The following MAGI2 variants were observed in gnomAD, a reference collection of about 807,000 sequenced individuals.
MAGI2 encodes the protein membrane associated guanylate kinase, WW and PDZ domain containing 2.
A neutral mutation model predicts 133.3 loss-of-function variants in MAGI2; 35 were observed. The ratio of observed to expected loss-of-function variants is 0.26; its 90% confidence interval spans 0.20 to 0.35. The LOEUF is 0.35. Ranked by LOEUF, MAGI2 falls within the 10% of genes least tolerant of loss-of-function variation. The probability of loss-of-function intolerance (pLI) is 1.00; values close to 1 mark genes in which losing one functional copy is unlikely to be tolerated. For missense variants in MAGI2, 1,636 were observed against 1,863.4 expected (o/e 0.88, Z 2.25); for synonymous variants, 729 against 710.6 (o/e 1.03, Z -0.41).
chr7:78,887,533 TG>T (rs1168599288), intron 2 of MAGI2, among the ~76,000 whole-genome samples: 3 of 152,218 alleles, frequency 2.0e-5, no homozygotes, highest in Non-Finnish European at 4.4e-5. Context: ...TAACTCATTT[TG>T]AAAAACAAAA....
intron 6 of MAGI2, among the ~76,000 whole-genome samples, chr7:78,434,033 C>G (rs1800045562): frequency 6.6e-6 from 1 of 152,092 alleles, no homozygotes; most frequent in South Asian, 2.1e-4. Context: ...AATATCCCTC[C>G]ATATTCTCTC....
chr7:78,744,540 C>G (rs1056088371), intron 2 of MAGI2, among the ~76,000 whole-genome samples: 2 of 152,016 alleles, frequency 1.3e-5, no homozygotes, highest in African/African-American at 4.8e-5. Flanking sequence ...AAAAACGTAT[C>G]TCATTTAATT....
intron 15 of MAGI2, 57 bp downstream of exon 15, chr7:78,167,859 C>G: frequency 6.5e-7 from 1 of 1,536,324 alleles, no homozygotes; most frequent in Non-Finnish European, 8.9e-7. Context: ...TACCATGTCT[C>G]ACAAAAGCAT....
At chr7:78,164,481 G>T (rs1464649207) in intron 15 of MAGI2, among the ~76,000 whole-genome samples, 1 of 152,156 alleles carries the variant, frequency 6.6e-6, no homozygotes, top group African/African-American at 2.4e-5. Context: ...ATAGGCATTT[G>T]TGCAGACATT....
chr7:78,463,759 T>C (rs1050383164), intron 6 of MAGI2, among the ~76,000 whole-genome samples: 1 of 152,202 alleles, frequency 6.6e-6, no homozygotes, highest in African/African-American at 2.4e-5. Context: ...AAGACTGTCA[T>C]TATTTTTCAT....
chr7:78,425,153 C>T (rs189373421), intron 6 of MAGI2, among the ~76,000 whole-genome samples: 7 of 152,126 alleles, frequency 4.6e-5, no homozygotes, highest in East Asian at 1.9e-4. Context: ...ATTATGGGGG[C>T]GGGTCTTTCC....
chr7:78,675,459 G>T (rs1016031155), intron 2 of MAGI2, among the ~76,000 whole-genome samples: 1 of 152,060 alleles, frequency 6.6e-6, no homozygotes, highest in African/African-American at 2.4e-5. Flanking sequence ...CATTTATCAA[G>T]ATGCGGAATT....
At chr7:78,950,562 C>T (rs1198947189) in intron 2 of MAGI2, among the ~76,000 whole-genome samples, 2 of 152,126 alleles carry the variant, frequency 1.3e-5, no homozygotes, top group Admixed American at 6.5e-5. Context: ...ATAATCTCCT[C>T]CCTTTTCTTT....
chr7:78,251,972 C>G (rs1792429987), intron 10 of MAGI2: 1 of 151,980 alleles, frequency 6.6e-6, no homozygotes, highest in Admixed American at 6.6e-5. Flanking sequence ...GAGGCTTCAT[C>G]ACTAAAAGAA....
intron 1 of MAGI2, among the ~76,000 whole-genome samples, chr7:79,428,416 T>C (rs1350859456): frequency 6.6e-6 from 1 of 152,176 alleles, no homozygotes; most frequent in African/African-American, 2.4e-5. Context: ...TTTAACTCTG[T>C]TACAGTCCCA....
chr7:79,444,020 A>G (rs1288662321), intron 1 of MAGI2, among the ~76,000 whole-genome samples: 1 of 152,210 alleles, frequency 6.6e-6, no homozygotes, highest in Non-Finnish European at 1.5e-5. Context: ...TACGCAAATC[A>G]ATAAACGTAA....
chr7:78,567,587 G>T (rs1196542592), intron 3 of MAGI2, among the ~76,000 whole-genome samples: 2 of 152,084 alleles, frequency 1.3e-5, no homozygotes, highest in Non-Finnish European at 2.9e-5. Context: ...ATATGTACAA[G>T]AATAAACATT....
chr7:78,203,485 G>GCTC (rs1425616238), intron 10 of MAGI2, among the ~76,000 whole-genome samples: 12 of 152,162 alleles, frequency 7.9e-5, no homozygotes, highest in Admixed American at 7.9e-4. Flanking sequence ...GGGTACTTGG[G>GCTC]CTCCTCATTC....
At chr7:78,508,144 T>C (rs907485052) in intron 4 of MAGI2, among the ~76,000 whole-genome samples, 1 of 152,168 alleles carries the variant, frequency 6.6e-6, no homozygotes, top group Non-Finnish European at 1.5e-5. Flanking sequence ...ACACCAGTCA[T>C]ACTGGATGAA....
intron 15 of MAGI2, 53 bp downstream of exon 15, chr7:78,167,863 A>G (rs769410453): frequency 1.3e-6 from 2 of 1,548,724 alleles, no homozygotes; most frequent in Admixed American, 1.8e-5. Flanking sequence ...ATGTCTCACA[A>G]AAGCATCTTA....
chr7:78,921,708 T>G (rs1315962234), intron 2 of MAGI2, among the ~76,000 whole-genome samples: 2 of 152,052 alleles, frequency 1.3e-5, no homozygotes, highest in African/African-American at 4.8e-5. Flanking sequence ...CTTGGCTCAC[T>G]GCAACCTCCA....
intron 2 of MAGI2, among the ~76,000 whole-genome samples, chr7:78,662,035 A>C (rs1020378451): frequency 1.3e-5 from 2 of 152,176 alleles, no homozygotes; most frequent in Non-Finnish European, 2.9e-5. Flanking sequence ...TACACGGGTC[A>C]TCACAGATCT....
chr7:78,489,717 C>T (rs775521815), intron 6 of MAGI2, 44 bp downstream of exon 6: 3 of 1,429,246 alleles, frequency 2.1e-6, no homozygotes, highest in Non-Finnish European at 2.9e-6. Context: ...CACAAACATT[C>T]TCAAAGCACA....
intron 1 of MAGI2, chr7:79,410,787 AT>A (rs1486436137): frequency 1.3e-5 from 2 of 152,144 alleles, no homozygotes; most frequent in African/African-American, 2.4e-5. Context: ...CAAAAGTAAA[AT>A]TTTTGAATGC....
Sources: gnomAD v4.1 joint callset for allele counts (sites outside exome capture counted in the v4.1 genomes callset) on GRCh38, gnomAD v4.1.1 for gene constraint, MANE v1.5 for transcripts, NCBI Gene and HGNC (gene_info 2026-07-23, HGNC 2026-07-21) for gene names.